The following ANO4 variants were observed in gnomAD, a reference collection of about 807,000 sequenced individuals.
ANO4 encodes the protein anoctamin-4.
In ANO4, 69 loss-of-function variants were observed where a neutral mutation model predicts 141.9. The ratio of observed to expected loss-of-function variants is 0.49; its 90% CI spans 0.40 to 0.59. The LOEUF (loss-of-function observed/expected upper bound fraction) is 0.59. Ranked by LOEUF, ANO4 falls within the 20% of genes least tolerant of loss-of-function variation. The probability of loss-of-function intolerance (pLI) is 0.00; values close to 1 mark genes in which losing one functional copy is unlikely to be tolerated. For missense variants in ANO4, 894 were observed against 1,162.2 expected, an observed-to-expected ratio of 0.77 and a Z score of 3.36; for synonymous variants, 350 against 394.3, an observed-to-expected ratio of 0.89 and a Z score of 1.33.
chr12:100,780,612 A>G (rs2033683674), intron 3 of ANO4, among the ~76,000 whole-genome samples: 2 of 152,226 alleles, frequency 1.3e-5, no homozygotes, highest in Admixed American at 6.5e-5. Flanking sequence ...ATAATGAGCA[A>G]TGAGGGCAAC....
chr12:100,781,892 G>A (rs1381329165), intron 3 of ANO4, among the ~76,000 whole-genome samples: 1 of 152,128 alleles, frequency 6.6e-6, no homozygotes, highest in Non-Finnish European at 1.5e-5. Context: ...ACTACAAATG[G>A]GTTGATATAA....
intron 14 of ANO4, among the ~76,000 whole-genome samples, chr12:101,077,594 C>T (rs1279750120): frequency 6.6e-6 from 1 of 152,122 alleles, no homozygotes; most frequent in African/African-American, 2.4e-5. Flanking sequence ...ACTGTAACTA[C>T]TCAGAATCTT....
intron 22 of ANO4, among the ~76,000 whole-genome samples, chr12:101,101,749 T>C (rs189162320): frequency 7.9e-4 from 120 of 151,930 alleles, no homozygotes; most frequent in Admixed American, 2.5e-3. Flanking sequence ...AGATGAGCTA[T>C]TTTGTGAGTT....
intron 14 of ANO4, among the ~76,000 whole-genome samples, chr12:101,073,316 A>G (rs2048895521): frequency 6.6e-6 from 1 of 152,110 alleles, no homozygotes; most frequent in African/African-American, 2.4e-5. Flanking sequence ...GCAAACTGTC[A>G]CAAGGACAGA....
intron 26 of ANO4, among the ~76,000 whole-genome samples, chr12:101,121,234 C>G (rs1178508458): frequency 6.6e-6 from 1 of 152,120 alleles, no homozygotes; most frequent in South Asian, 2.1e-4. Flanking sequence ...CCCCTCTCCC[C>G]TCTATAGTAG....
intron 3 of ANO4, among the ~76,000 whole-genome samples, chr12:100,933,122 A>G (rs1222342691): frequency 7.0e-6 from 1 of 142,628 alleles, no homozygotes; most frequent in African/African-American, 2.6e-5. Context: ...TTTTTTTTGC[A>G]TTTTTTTAAA....
chr12:100,995,959 CTG>C (rs1166664724), intron 8 of ANO4, among the ~76,000 whole-genome samples: 1 of 152,240 alleles, frequency 6.6e-6, no homozygotes, highest in East Asian at 1.9e-4. Context: ...CATCTAAAAA[CTG>C]TAGAATATTT....
chr12:101,012,678 G>A (rs1364574494), intron 8 of ANO4, among the ~76,000 whole-genome samples: 1 of 152,156 alleles, frequency 6.6e-6, no homozygotes, highest in Non-Finnish European at 1.5e-5. Context: ...AACTGGAAAA[G>A]CATAAGATCT....
At chr12:100,995,984 A>C (rs1186223253) in intron 8 of ANO4, among the ~76,000 whole-genome samples, 1 of 152,226 alleles carries the variant, frequency 6.6e-6, no homozygotes, top group Admixed American at 6.5e-5. Context: ...AAGAGAAGTG[A>C]AAAATGCGGT....
intron 1 of ANO4, among the ~76,000 whole-genome samples, chr12:100,718,019 T>G (rs2030692837): frequency 6.6e-6 from 1 of 151,994 alleles, no homozygotes; most frequent in Non-Finnish European, 1.5e-5. Flanking sequence ...TGCTGTGGAG[T>G]TAAAATAATA....
intron 1 of ANO4, among the ~76,000 whole-genome samples, chr12:100,867,335 G>A (rs548857399): frequency 3.3e-5 from 5 of 152,234 alleles, no homozygotes; most frequent in African/African-American, 1.2e-4. Flanking sequence ...AGAGCCACCA[G>A]TGGTATATTT....
chr12:100,932,875 T>C (rs2042136943), intron 3 of ANO4, among the ~76,000 whole-genome samples: 1 of 152,182 alleles, frequency 6.6e-6, no homozygotes, highest in Non-Finnish European at 1.5e-5. Flanking sequence ...AGTTATAATA[T>C]GTGAGTCCTT....
Position 101,119,077 on chromosome 12 carries a change from A to G in ANO4, c.2571-1443A>G, listed in dbSNP as rs568353455. Among the ~76,000 whole-genome samples, 7 of 152,100 alleles carry G rather than the reference A, an allele frequency of 4.6e-5. No homozygotes were observed. The South Asian group carries it at 1.2e-3, about 27-fold the overall frequency. On this transcript the variant is annotated intron_variant, in intron 25 of 27. Transcript: ENST00000392977. ...CTTTTTTATGGCTGCATAGTATTCCATGGTGTATCTGTGCCACATTTTCTT... is the reference window on the plus strand; with the variant it reads ...CTTTTTTATGGCTGCATAGTATTCCGTGGTGTATCTGTGCCACATTTTCTT...
intron 3 of ANO4, among the ~76,000 whole-genome samples, chr12:100,745,019 C>T (rs1191833355): frequency 1.3e-5 from 2 of 151,964 alleles, no homozygotes; most frequent in Non-Finnish European, 2.9e-5. Flanking sequence ...TTTCCACCTC[C>T]TCCTGCCCTC....
intron 1 of ANO4, among the ~76,000 whole-genome samples, chr12:100,863,105 G>T (rs1219188247): frequency 6.6e-6 from 1 of 152,196 alleles, no homozygotes; most frequent in African/African-American, 2.4e-5. Context: ...GACAGCAGGA[G>T]CTGAGGCAGG....
chr12:100,814,661 TC>T (rs11302252), intron 1 of ANO4, among the ~76,000 whole-genome samples: 2,639 of 152,210 alleles, frequency 0.017, 73 homozygotes, highest in African/African-American at 0.06. Context: ...TAGATTAGGT[TC>T]CCCCATATCA....
At chr12:100,771,728 A>G (rs897025635) in intron 3 of ANO4, among the ~76,000 whole-genome samples, 10 of 152,254 alleles carry the variant, frequency 6.6e-5, no homozygotes, top group Admixed American at 5.2e-4. Flanking sequence ...AGGTCTTGTT[A>G]GAAGGACCTG....
At chr12:100,776,252 A>G (rs147379099) in intron 3 of ANO4, among the ~76,000 whole-genome samples, 1,856 of 152,252 alleles carry the variant, frequency 0.012, 37 homozygotes, top group African/African-American at 0.042. Flanking sequence ...GGCTTGTCCT[A>G]TGTCCTGGAT....
chr12:100,847,235 T>A (rs1054310504), intron 1 of ANO4, among the ~76,000 whole-genome samples: 5 of 152,164 alleles, frequency 3.3e-5, no homozygotes, highest in African/African-American at 9.7e-5. Context: ...ATTGAATGAG[T>A]GAATGAATAC....
Sources: gnomAD v4.1 joint callset for allele counts (sites outside exome capture counted in the v4.1 genomes callset) on GRCh38, gnomAD v4.1.1 for gene constraint, MANE v1.5 for transcripts, NCBI Gene and HGNC (gene_info 2026-07-23, HGNC 2026-07-21) for gene names.